PCDHA6: variants seen among roughly 807,000 people sequenced by gnomAD.
PCDHA6 encodes protocadherin alpha 6.
A neutral mutation model predicts 60.3 loss-of-function variants in PCDHA6; 55 were observed. The observed-to-expected ratio is 0.91, with a 90% confidence interval of 0.73 to 1.14. The LOEUF (loss-of-function observed/expected upper bound fraction) is 1.14. PCDHA6 is among the 50% of genes most tolerant of loss of function. The pLI is 0.00. For missense variants in PCDHA6, 1,327 were observed against 1,256.5 expected (o/e 1.06, Z -0.85); for synonymous variants, 652 against 557.9 (o/e 1.17, Z -2.38).
Position 140,858,208 on chromosome 5 carries a change from G to A in PCDHA6, c.2394+27723G>A. 3 of 1,595,856 alleles carry A rather than the reference G, an allele frequency of 1.9e-6. 1 individual carries two copies. The highest frequency in any genetic ancestry group is 2.6e-6 in the Non-Finnish European group (3 of 1,166,438). ...CGCTGCTGCTGTACACTGCACTGAG[G>A]TGCTCGGCGGCGCCCACCGAGGGCG... On this transcript the variant is annotated intron_variant, in intron 1 of 3. Coordinates refer to ENST00000529310, the MANE Select transcript of PCDHA6 (RefSeq NM_018909.4).
intron 1 of PCDHA6, among the ~76,000 whole-genome samples, chr5:140,879,733 A>G (rs1213918807): frequency 6.6e-6 from 1 of 152,218 alleles, no homozygotes; most frequent in African/African-American, 2.4e-5. Flanking sequence ...GTCCAAAATC[A>G]AGGTGTTGTC....
rs2150255716 is a variant in PCDHA6 at position 140,836,221 on chromosome 5, C to T, written c.2394+5736C>T. ...GCGTGGCTTTCGTATGAGTTGCAAC[C>T]GGTGGCGGCCGGTGCGAGCATCCCG... On this transcript the variant is annotated intron_variant, in intron 1 of 3. Transcript: ENST00000529310. 9.9e-6 allele frequency: 16 copies of T among 1,613,802 alleles called. No homozygotes were observed. In the Admixed American group the frequency reaches 2.0e-4, roughly 20 times the overall value.
chr5:140,861,926 G>A (rs994509144), intron 1 of PCDHA6: 10 of 153,960 alleles, frequency 6.5e-5, no homozygotes, highest in African/African-American at 2.2e-4. Context: ...GGATGTAAAT[G>A]ATGATGCCCA....
chr5:140,933,372 C>T (rs1332069734), intron 1 of PCDHA6, among the ~76,000 whole-genome samples: 2 of 151,918 alleles, frequency 1.3e-5, no homozygotes, highest in African/African-American at 2.4e-5. Flanking sequence ...TCCCAAATTC[C>T]TTGGCTGTTC....
At position 141,010,340 on chromosome 5, in the gene PCDHA6, C is replaced by T. The variant is rs1400539624; in HGVS notation, c.*403C>T. 2 of 1,533,798 alleles carry T rather than the reference C, an allele frequency of 1.3e-6. No homozygotes were observed. Among genetic ancestry groups the T allele is most frequent in the Non-Finnish European group, 1.8e-6 (2 of 1,140,544 alleles). On this transcript the variant is annotated 3_prime_UTR_variant, in exon 4 of 4. Coordinates refer to ENST00000529310, the MANE Select transcript of PCDHA6 (RefSeq NM_018909.4). ...TGAGCAGCTTGGGAGTTTGTGGCCA[C>T]TGGGTATGTGTGGCTACCGCGGGTA...
intron 1 of PCDHA6, chr5:140,858,353 G>A (rs782457995): frequency 6.3e-7 from 1 of 1,593,918 alleles, no homozygotes; most frequent in Non-Finnish European, 8.6e-7. Context: ...GGACCTCATG[G>A]CCTTCAGCCC....
At chr5:140,999,494 C>G (rs2097859711) in intron 3 of PCDHA6, among the ~76,000 whole-genome samples, 1 of 152,064 alleles carries the variant, frequency 6.6e-6, no homozygotes, top group Non-Finnish European at 1.5e-5. Context: ...CTATGTTACC[C>G]AAGAACCTAC....
At chr5:140,864,577 A>G (rs1554158987) in intron 1 of PCDHA6, 2 of 152,198 alleles carry the variant, frequency 1.3e-5, no homozygotes, top group African/African-American at 4.8e-5. Context: ...TTGTCTTCAC[A>G]ATCTTCAACT....
intron 2 of PCDHA6, among the ~76,000 whole-genome samples, chr5:140,980,721 A>G (rs1219290542): frequency 3.9e-5 from 6 of 152,202 alleles, no homozygotes; most frequent in African/African-American, 1.2e-4. Flanking sequence ...TTCGGGTTTC[A>G]ATTAAGATAT....
intron 1 of PCDHA6, among the ~76,000 whole-genome samples, chr5:140,890,607 T>A (rs2062708566): frequency 6.6e-6 from 1 of 152,184 alleles, no homozygotes; most frequent in Non-Finnish European, 1.5e-5. Context: ...GAATAGCTAG[T>A]GCTTACCCTA....
chr5:140,993,462 T>TCTCACACACACA (rs1235362335), intron 3 of PCDHA6, among the ~76,000 whole-genome samples: 1 of 140,938 alleles, frequency 7.1e-6, no homozygotes, highest in African/African-American at 2.6e-5. Context: ...TCTTTCTTTC[T>TCTCACACACACA]CACACACACA....
rs1158226302 is a variant in PCDHA6, at chr5:140,856,812, T to C, written c.2394+26327T>C. 1.9e-6 allele frequency: 3 copies of C among 1,594,276 alleles called. 1 individual carries two copies. Among genetic ancestry groups the C allele is most frequent in the Non-Finnish European group, 2.6e-6 (3 of 1,164,510 alleles). ...GAAGTTAAGATGTATGAAAATCAAG[T>C]GAACCAAACATTAGTAATACGGCTC... On this transcript the variant is annotated intron_variant, in intron 1 of 3. Coordinates refer to ENST00000529310, the MANE Select transcript of PCDHA6 (RefSeq NM_018909.4).
chr5:140,912,993 T>C (rs186652657), intron 1 of PCDHA6, among the ~76,000 whole-genome samples: 1 of 152,294 alleles, frequency 6.6e-6, no homozygotes, highest in Non-Finnish European at 1.5e-5. Flanking sequence ...TTCAGTTTGC[T>C]AGTATTTTGT....
chr5:140,999,011 A>G (rs2097843002), intron 3 of PCDHA6, among the ~76,000 whole-genome samples: 1 of 152,246 alleles, frequency 6.6e-6, no homozygotes, highest in Non-Finnish European at 1.5e-5. Flanking sequence ...CTGAGATTTG[A>G]ACCCAAGACT....
chr5:141,009,992 C>G lies in PCDHA6; in HGVS notation c.*55C>G. 1 of 1,578,492 alleles carries G rather than the reference C, an allele frequency of 6.3e-7. No homozygotes were observed. On this transcript the variant is annotated 3_prime_UTR_variant, in exon 4 of 4. Transcript: ENST00000529310. ...CAGTTTTTGTAATAATGGCAAATCT[C>G]TCCCATGTAGCAATTCCCTGCTCCT...
intron 1 of PCDHA6, chr5:140,875,942 C>T: frequency 1.2e-6 from 2 of 1,614,190 alleles, no homozygotes; most frequent in Non-Finnish European, 1.7e-6. Context: ...CTAGAGGGCG[C>T]TTCTGATGCG....
intron 1 of PCDHA6, among the ~76,000 whole-genome samples, chr5:140,936,322 A>C (rs1225268806): frequency 2.6e-5 from 4 of 152,196 alleles, no homozygotes; most frequent in Admixed American, 6.5e-5. Context: ...CTGACATGCT[A>C]TAAATTTTCT....
chr5:141,001,022 T>C (rs2097984457), intron 3 of PCDHA6, among the ~76,000 whole-genome samples: 1 of 152,250 alleles, frequency 6.6e-6, no homozygotes, highest in Non-Finnish European at 1.5e-5. Context: ...TATACACTTA[T>C]AATAATAGCT....
intron 1 of PCDHA6, chr5:140,835,562 T>C (rs1470356959): frequency 6.8e-6 from 11 of 1,613,922 alleles, no homozygotes; most frequent in Non-Finnish European, 8.5e-6. Flanking sequence ...CGCCCCGCGT[T>C]CCCTTCAAGT....
Sources: gnomAD v4.1 joint callset for allele counts (sites outside exome capture counted in the v4.1 genomes callset) on GRCh38, gnomAD v4.1.1 for gene constraint, MANE v1.5 for transcripts, NCBI Gene and HGNC (gene_info 2026-07-23, HGNC 2026-07-21) for gene names.